The following NDUFAF2 variants were observed in gnomAD, a reference collection of about 807,000 sequenced individuals.
NDUFAF2 encodes NADH:ubiquinone oxidoreductase complex assembly factor 2, also known as NADH dehydrogenase [ubiquinone] 1 alpha subcomplex assembly factor 2.
Under a neutral mutation model 22.8 loss-of-function variants are expected in NDUFAF2, and 13 were observed. The observed-to-expected ratio is 0.57, with a 90% confidence interval of 0.37 to 0.91. The LOEUF is 0.91. Ranked by LOEUF, NDUFAF2 falls within the 40% of genes least tolerant of loss-of-function variation. The pLI is 0.01. For synonymous variants in NDUFAF2, 53 were observed against 64.2 expected (o/e 0.83, Z 0.84); for missense variants, 162 against 195.2 (o/e 0.83, Z 1.01).
rs779417084 is a variant in NDUFAF2, at chr5:60,945,252, C to G, written c.-4C>G. The G allele has an allele frequency of 3.7e-6, 6 of 1,612,490 alleles. No individual in the cohort carries two copies. The highest frequency in any genetic ancestry group is 4.5e-5 in the East Asian group (2 of 44,844). On this transcript the variant is annotated 5_prime_UTR_variant, in exon 1 of 4. Coordinates refer to ENST00000296597, the MANE Select transcript of NDUFAF2 (RefSeq NM_174889.5). The stretch of plus-strand genomic sequence containing the variant: ...CTGGCAGCGCTGGAAACTGGGTGGA[C>G]GGCATGGGTTGGTCTCAGGATTTGT...
intron 3 of NDUFAF2, among the ~76,000 whole-genome samples, chr5:61,109,080 A>G (rs913710610): frequency 2.6e-5 from 4 of 152,150 alleles, no homozygotes; most frequent in Admixed American, 6.6e-5. Flanking sequence ...TATTCTTCCA[A>G]TTCATGAACA....
intron 1 of NDUFAF2, among the ~76,000 whole-genome samples, chr5:61,009,173 G>A (rs966742452): frequency 6.6e-5 from 10 of 151,990 alleles, no homozygotes; most frequent in Non-Finnish European, 1.0e-4. Flanking sequence ...CTTTAACAGC[G>A]TTTTCAGATC....
chr5:61,101,128 A>G (rs914931627), intron 3 of NDUFAF2, among the ~76,000 whole-genome samples: 5 of 152,276 alleles, frequency 3.3e-5, no homozygotes, highest in Non-Finnish European at 5.9e-5. Flanking sequence ...TAAGAGGAAA[A>G]AATTTTTCTT....
At chr5:60,957,786 G>C (rs763444484) in intron 1 of NDUFAF2, among the ~76,000 whole-genome samples, 1 of 152,202 alleles carries the variant, frequency 6.6e-6, no homozygotes, top group Non-Finnish European at 1.5e-5. Context: ...TCAGGTGAAA[G>C]TTGTAGTTGC....
At chr5:61,146,032 A>G (rs1302386728) in intron 3 of NDUFAF2, 1 of 152,234 alleles carries the variant, frequency 6.6e-6, no homozygotes, top group East Asian at 1.9e-4. Flanking sequence ...GGTATAAAAC[A>G]TGGAAGCTTT....
intron 1 of NDUFAF2, among the ~76,000 whole-genome samples, chr5:61,016,304 GAGGA>G (rs1478438222): frequency 6.6e-6 from 1 of 152,206 alleles, no homozygotes; most frequent in East Asian, 1.9e-4. Context: ...AAAGGCGGCA[GAGGA>G]AGGGAGTGGT....
intron 3 of NDUFAF2, among the ~76,000 whole-genome samples, chr5:61,139,198 C>A (rs1258564331): frequency 6.6e-6 from 1 of 152,214 alleles, no homozygotes; most frequent in Non-Finnish European, 1.5e-5. Flanking sequence ...CATTAGCCTG[C>A]AGTTGGGCAA....
chr5:61,054,857 T>G (rs1037696529), intron 1 of NDUFAF2, among the ~76,000 whole-genome samples: 7 of 152,186 alleles, frequency 4.6e-5, no homozygotes, highest in African/African-American at 1.7e-4. Flanking sequence ...AACAAAAGTT[T>G]ATGACTGGAG....
At chr5:60,946,343 A>C (rs550164803) in intron 1 of NDUFAF2, among the ~76,000 whole-genome samples, 1 of 152,326 alleles carries the variant, frequency 6.6e-6, no homozygotes, top group Admixed American at 6.5e-5. Context: ...AATGTTGAGA[A>C]GCACTAAGAC....
chr5:61,129,187 T>C lies in NDUFAF2; in HGVS notation c.259-23517T>C, dbSNP rs1753076358. On this transcript the variant is annotated intron_variant, in intron 3 of 3. Transcript: ENST00000296597. ...GTGGAGAAATAGAACAGTTTTACAC[T>C]GTTGGTGGGACTGTAAACTAGTTCA... is the stretch of plus-strand genomic sequence containing the variant. 4.6e-5 allele frequency among the ~76,000 whole-genome samples: 7 copies of C among 152,298 alleles called. No individual in the cohort carries two copies. The South Asian group carries it at 1.5e-3, about 32-fold the overall frequency.
At chr5:61,053,671 A>AG (rs1752051247) in intron 1 of NDUFAF2, among the ~76,000 whole-genome samples, 1 of 152,188 alleles carries the variant, frequency 6.6e-6, no homozygotes, top group Non-Finnish European at 1.5e-5. Context: ...TCTAAGTAGA[A>AG]GGGTGATAGT....
At chr5:60,953,890 G>A (rs1273627148) in intron 1 of NDUFAF2, among the ~76,000 whole-genome samples, 1 of 152,034 alleles carries the variant, frequency 6.6e-6, no homozygotes, top group Non-Finnish European at 1.5e-5. Context: ...AATTTAGTCG[G>A]TATAAAATTA....
chr5:61,127,655 G>C (rs1378136751), intron 3 of NDUFAF2, among the ~76,000 whole-genome samples: 3 of 152,044 alleles, frequency 2.0e-5, no homozygotes, highest in African/African-American at 7.2e-5. Flanking sequence ...AAAATAATAA[G>C]AGCTATTTAT....
At chr5:61,049,993 C>G (rs905596248) in intron 1 of NDUFAF2, among the ~76,000 whole-genome samples, 4 of 151,810 alleles carry the variant, frequency 2.6e-5, no homozygotes, top group Non-Finnish European at 2.9e-5. Flanking sequence ...GAAGAATTAT[C>G]ACAATTTTGG....
intron 1 of NDUFAF2, among the ~76,000 whole-genome samples, chr5:61,048,397 A>C (rs888578382): frequency 2.0e-5 from 3 of 152,204 alleles, no homozygotes; most frequent in African/African-American, 7.2e-5. Context: ...GATTGAGTTT[A>C]AAATGAGGCC....
chr5:61,045,378 T>G (rs946808061), intron 1 of NDUFAF2, among the ~76,000 whole-genome samples: 6 of 150,782 alleles, frequency 4.0e-5, no homozygotes, highest in Non-Finnish European at 8.9e-5. Flanking sequence ...AAAATTTCTT[T>G]TATAGTCTTC....
At chr5:61,078,855 TG>T (rs1434443192) in intron 2 of NDUFAF2, among the ~76,000 whole-genome samples, 1 of 152,246 alleles carries the variant, frequency 6.6e-6, no homozygotes, top group Non-Finnish European at 1.5e-5. Flanking sequence ...GTTTAATTCA[TG>T]GCATTATTTG....
intron 1 of NDUFAF2, among the ~76,000 whole-genome samples, chr5:61,012,942 T>C (rs922243263): frequency 1.3e-5 from 2 of 152,104 alleles, no homozygotes; most frequent in African/African-American, 2.4e-5. Flanking sequence ...GTTTTGAAAA[T>C]TGTAACAATA....
chr5:61,020,573 G>A lies in NDUFAF2; in HGVS notation c.128-52552G>A, dbSNP rs1441575707. Among the ~76,000 whole-genome samples the A allele has an allele frequency of 2.7e-5, 4 of 149,940 alleles. No homozygotes were observed. In the South Asian group the frequency reaches 6.5e-4, roughly 24 times the overall value. On this transcript the variant is annotated intron_variant, in intron 1 of 3. Coordinates refer to ENST00000296597, the MANE Select transcript of NDUFAF2 (RefSeq NM_174889.5). ...TGTGTGTGTGTGTGTGTGTGTGTGT[G>A]TACACATGCACGCATGTGTGTGTTT...
Sources: allele counts gnomAD v4.1 joint callset (sites outside exome capture counted in the v4.1 genomes callset), GRCh38; gene constraint gnomAD v4.1.1; transcripts MANE v1.5; gene names NCBI Gene and HGNC (gene_info 2026-07-23, HGNC 2026-07-21).